Variants in DAB1 observed in about 807,000 individuals in gnomAD.
The protein encoded by DAB1 is disabled homolog 1.
Under a neutral mutation model 64.6 loss-of-function variants are expected in DAB1, and 15 were observed. The observed-to-expected ratio is 0.23, with a 90% CI of 0.16 to 0.36. The LOEUF is 0.36. DAB1 is among the 10% of genes least tolerant of loss of function. DAB1 has a pLI of 1.00. For synonymous variants in DAB1, 235 were observed against 251.9 expected (o/e 0.93, Z 0.64); for missense variants, 596 against 706.7 (o/e 0.84, Z 1.78).
At chr1:57,696,220 A>G (rs1646843501) in intron 6 of DAB1, among the ~76,000 whole-genome samples, 1 of 152,054 alleles carries the variant, frequency 6.6e-6, no homozygotes, top group Non-Finnish European at 1.5e-5. Context: ...GAATCCCCAT[A>G]TCTAGCCCAT....
At chr1:57,558,976 C>G (rs1570625787) in intron 7 of DAB1, among the ~76,000 whole-genome samples, 2 of 152,188 alleles carry the variant, frequency 1.3e-5, no homozygotes, top group African/African-American at 2.4e-5. Flanking sequence ...AATTGCTCTT[C>G]TCCATATGTC....
intron 2 of DAB1, among the ~76,000 whole-genome samples, chr1:57,244,948 G>A (rs919861493): frequency 5.3e-5 from 8 of 152,224 alleles, no homozygotes; most frequent in Admixed American, 3.9e-4. Flanking sequence ...CTGGTAGGAG[G>A]TGATAACCTG....
At chr1:58,494,479 G>A (rs950799812) in intron 3 of DAB1, among the ~76,000 whole-genome samples, 2 of 152,126 alleles carry the variant, frequency 1.3e-5, no homozygotes, top group African/African-American at 2.4e-5. Context: ...GAGTGAACAG[G>A]CAACCTACAG....
At chr1:57,564,791 C>T (rs1333917209) in intron 7 of DAB1, among the ~76,000 whole-genome samples, 3 of 152,140 alleles carry the variant, frequency 2.0e-5, no homozygotes, top group South Asian at 2.1e-4. Context: ...ACCAAATCTA[C>T]GTCCAACTGG....
intron 2 of DAB1, among the ~76,000 whole-genome samples, chr1:57,206,508 A>C (rs1665549454): frequency 6.6e-6 from 1 of 152,174 alleles, no homozygotes; most frequent in Non-Finnish European, 1.5e-5. Flanking sequence ...ATAAGTTAAA[A>C]TCTCAGGTCG....
At position 58,123,249 on chromosome 1, in the gene DAB1, T is replaced by C. The variant is rs1201401630; in HGVS notation, n.387+27262A>G. Among the ~76,000 whole-genome samples the C allele has an allele frequency of 2.0e-5, 3 of 152,258 alleles. No homozygotes were observed. The East Asian group carries it at 5.8e-4, about 29-fold the overall frequency. On this transcript the variant is annotated intron_variant and non_coding_transcript_variant, in intron 5 of 20. Coordinates refer to the DAB1 transcript ENST00000485760. ...TCATTCTTTCCACTGTCCCCAGCTGTGTTTCCCAAAGATTAGGATGTGTCA... is the reference window on the plus strand; with the variant it reads ...TCATTCTTTCCACTGTCCCCAGCTGCGTTTCCCAAAGATTAGGATGTGTCA...
chr1:58,150,485 A>G (rs1015173209), intron 5 of DAB1: 3 of 152,058 alleles, frequency 2.0e-5, no homozygotes, highest in Non-Finnish European at 4.4e-5. Flanking sequence ...TGAAAAAAGG[A>G]GCATAGATAA....
At chr1:57,575,462 C>T (rs1256426647) in intron 7 of DAB1, among the ~76,000 whole-genome samples, 1 of 152,070 alleles carries the variant, frequency 6.6e-6, no homozygotes, top group Non-Finnish European at 1.5e-5. Flanking sequence ...TACACTTGGT[C>T]CCACATCGAA....
At chr1:58,349,581 C>A (rs1018890795) in intron 3 of DAB1, among the ~76,000 whole-genome samples, 1 of 152,000 alleles carries the variant, frequency 6.6e-6, no homozygotes, top group South Asian at 2.1e-4. Flanking sequence ...CTACATTAGG[C>A]ATTTCTCCTA....
intron 4 of DAB1, among the ~76,000 whole-genome samples, chr1:58,304,887 A>G (rs1466456804): frequency 1.3e-5 from 2 of 152,180 alleles, no homozygotes; most frequent in African/African-American, 4.8e-5. Context: ...GCATATGTTT[A>G]TTCAATTATA....
At chr1:57,129,282 CAG>C (rs1335703419) in intron 4 of DAB1, among the ~76,000 whole-genome samples, 2 of 152,098 alleles carry the variant, frequency 1.3e-5, no homozygotes, top group African/African-American at 4.8e-5. Context: ...AGGTTCCTGA[CAG>C]TGCCAATTTC....
intron 7 of DAB1, among the ~76,000 whole-genome samples, chr1:57,463,704 A>G (rs1168443031): frequency 1.3e-5 from 2 of 152,120 alleles, no homozygotes; most frequent in Non-Finnish European, 2.9e-5. Context: ...ATTGGATTCT[A>G]TTGTATTCCA....
chr1:57,253,859 G>T (rs557160299), intron 2 of DAB1, among the ~76,000 whole-genome samples: 2 of 152,126 alleles, frequency 1.3e-5, no homozygotes, highest in African/African-American at 4.8e-5. Flanking sequence ...TTACCTGATA[G>T]GACATTTATT....
chr1:57,232,325 A>G lies in DAB1; in HGVS notation c.67+58639T>C, dbSNP rs150140647. 1.7e-3 allele frequency among the ~76,000 whole-genome samples: 246 copies of G among 142,050 alleles called. 2 individuals carry two copies. The highest frequency in any genetic ancestry group is 6.0e-3 in the African/African-American group (230 of 38,260). 93.2% of individuals were successfully genotyped at this position (142,050 alleles called of 152,430 possible). ...TTTTTTGCACGAACCTCATTGAAAT[A>G]GACAGGAAAGTCAGTAATACATGGT... is the stretch of plus-strand genomic sequence containing the variant. On this transcript the variant is annotated intron_variant, in intron 2 of 14. Transcript: ENST00000371236.
At chr1:57,927,316 T>C (rs1283043508) in intron 5 of DAB1, among the ~76,000 whole-genome samples, 1 of 152,090 alleles carries the variant, frequency 6.6e-6, no homozygotes, top group Non-Finnish European at 1.5e-5. Context: ...TCAGTCTCAG[T>C]CTCCCTTATT....
At chr1:57,434,068 A>G (rs1202043825) in intron 7 of DAB1, among the ~76,000 whole-genome samples, 1 of 152,136 alleles carries the variant, frequency 6.6e-6, no homozygotes, top group Non-Finnish European at 1.5e-5. Flanking sequence ...CCTTTTGGAA[A>G]ATTACCTGGC....
At chr1:57,524,405 G>A (rs1470032530) in intron 7 of DAB1, among the ~76,000 whole-genome samples, 3 of 152,178 alleles carry the variant, frequency 2.0e-5, no homozygotes, top group South Asian at 2.1e-4. Flanking sequence ...TTTCATGCAC[G>A]TCCATGTGGA....
At chr1:58,008,688 T>G (rs927541634) in intron 5 of DAB1, among the ~76,000 whole-genome samples, 3 of 152,166 alleles carry the variant, frequency 2.0e-5, no homozygotes, top group Non-Finnish European at 4.4e-5. Context: ...TGAAAAATTG[T>G]AAGAAAATTG....
chr1:58,305,403 T>C (rs1320669435), intron 4 of DAB1, among the ~76,000 whole-genome samples: 1 of 152,238 alleles, frequency 6.6e-6, no homozygotes, highest in East Asian at 1.9e-4. Context: ...TTATTTTTAC[T>C]GGAATAAGTA....
Sources: gnomAD v4.1 joint callset for allele counts (sites outside exome capture counted in the v4.1 genomes callset) on GRCh38, gnomAD v4.1.1 for gene constraint, MANE v1.5 for transcripts, NCBI Gene and HGNC (gene_info 2026-07-23, HGNC 2026-07-21) for gene names.